Variants in CACNB2 observed in about 807,000 individuals in gnomAD.
CACNB2 encodes the protein voltage-dependent L-type calcium channel subunit beta-2.
A neutral mutation model predicts 73.3 loss-of-function variants in CACNB2; 42 were observed. The ratio of observed to expected loss-of-function variants is 0.57; its 90% confidence interval spans 0.45 to 0.74. CACNB2 has a LOEUF of 0.74. Ranked by LOEUF, CACNB2 falls within the 30% of genes least tolerant of loss-of-function variation. The pLI, the probability that CACNB2 is intolerant of heterozygous loss-of-function variation, is 0.00. For synonymous variants in CACNB2, 348 were observed against 310.3 expected (o/e 1.12, Z -1.28); for missense variants, 940 against 853.0 (o/e 1.10, Z -1.27).
intron 3 of CACNB2, among the ~76,000 whole-genome samples, chr10:18,492,703 C>A (rs1032853048): frequency 2.0e-5 from 3 of 151,198 alleles, no homozygotes; most frequent in Non-Finnish European, 4.4e-5. Flanking sequence ...TGCTCAAGTC[C>A]CAGAGAATAT....
chr10:18,325,108 T>C (rs923903104), intron 2 of CACNB2, among the ~76,000 whole-genome samples: 15 of 152,224 alleles, frequency 9.9e-5, no homozygotes, highest in African/African-American at 3.6e-4. Flanking sequence ...CCCAGTCATG[T>C]AGCCAGAGCT....
chr10:18,154,413 A>G (rs2031865282), intron 2 of CACNB2, among the ~76,000 whole-genome samples: 1 of 151,908 alleles, frequency 6.6e-6, no homozygotes, highest in African/African-American at 2.4e-5. Flanking sequence ...ATATTTGGAG[A>G]TGAGGCCTCT....
At chr10:18,492,962 C>T (rs1203147840) in intron 3 of CACNB2, among the ~76,000 whole-genome samples, 1 of 151,968 alleles carries the variant, frequency 6.6e-6, no homozygotes, top group Non-Finnish European at 1.5e-5. Flanking sequence ...TATAGTTAGC[C>T]CTCTTTATCC....
intron 11 of CACNB2, 112 bp downstream of exon 11, chr10:18,534,339 T>G (rs182224364): frequency 3.3e-4 from 318 of 967,770 alleles, no homozygotes; most frequent in Non-Finnish European, 3.6e-4. Flanking sequence ...TATAGAGAAT[T>G]TGAGGAGACA....
intron 3 of CACNB2, among the ~76,000 whole-genome samples, chr10:18,434,715 G>C (rs1439295414): frequency 6.6e-6 from 1 of 152,026 alleles, no homozygotes; most frequent in Non-Finnish European, 1.5e-5. Context: ...AAAAATTATT[G>C]AACACCTCAG....
intron 2 of CACNB2, chr10:18,260,668 TG>T: frequency 1.0e-6 from 1 of 988,474 alleles, no homozygotes; most frequent in Non-Finnish European, 1.2e-6. Context: ...AAATCAGATA[TG>T]CCCAAAACGT....
At chr10:18,144,922 C>T (rs1322664615) in intron 1 of CACNB2, among the ~76,000 whole-genome samples, 1 of 152,138 alleles carries the variant, frequency 6.6e-6, no homozygotes, top group African/African-American at 2.4e-5. Flanking sequence ...AATTGAATAG[C>T]TCCTGCGTGA....
intron 2 of CACNB2, among the ~76,000 whole-genome samples, chr10:18,263,280 C>A (rs549612504): frequency 6.6e-6 from 1 of 152,054 alleles, no homozygotes; most frequent in Non-Finnish European, 1.5e-5. Flanking sequence ...TAGATTTGAC[C>A]GCAAAGCAGA....
At chr10:18,443,520 C>T (rs963595918) in intron 3 of CACNB2, among the ~76,000 whole-genome samples, 1 of 152,064 alleles carries the variant, frequency 6.6e-6, no homozygotes, top group Admixed American at 6.6e-5. Flanking sequence ...AAAGTGTAGA[C>T]CCAACTCCTC....
Position 18,181,065 on chromosome 10 carries a change from GA to G in CACNB2, c.213+30107del, listed in dbSNP as rs34924301. Among the ~76,000 whole-genome samples the G allele has an allele frequency of 2.6e-3, 312 of 117,862 alleles. 2 individuals are homozygous for G. In the East Asian group the frequency reaches 0.036, roughly 14 times the overall value. 77.3% of individuals were successfully genotyped at this position (117,862 alleles called of 152,430 possible). A position where few individuals can be genotyped will look rare whatever the true frequency, so the allele number is the denominator to read the frequency against. On this transcript the variant is annotated intron_variant, in intron 2 of 13. Coordinates refer to ENST00000324631, the MANE Select transcript of CACNB2 (RefSeq NM_201596.3). ...TACATTGAGGCTTTTAGCCAAAATAGAAAAAAAAAAAAAAAAAGAGGTCAAG... is the reference window on the plus strand; with the variant it reads ...TACATTGAGGCTTTTAGCCAAAATAGAAAAAAAAAAAAAAAAGAGGTCAAG...
chr10:18,375,533 A>G (rs2042761648), intron 2 of CACNB2, among the ~76,000 whole-genome samples: 1 of 152,202 alleles, frequency 6.6e-6, no homozygotes, highest in Admixed American at 6.5e-5. Flanking sequence ...TTCCCTGAGT[A>G]GCCTCTTGTT....
At chr10:18,497,594 T>C (rs1349970926) in intron 3 of CACNB2, among the ~76,000 whole-genome samples, 1 of 152,060 alleles carries the variant, frequency 6.6e-6, no homozygotes, top group African/African-American at 2.4e-5. Flanking sequence ...CTAATTTTTG[T>C]TTTTGATTTT....
chr10:18,542,407 A>G lies in CACNB2; in HGVS notation c.*2683A>G, dbSNP rs1163565414. Reference sequence around the variant, plus strand: ...AAATATTTCTGATAAAACTTTTGTCATGGTAAGAGATTCACAATTATTAGT... The same window carrying G: ...AAATATTTCTGATAAAACTTTTGTCGTGGTAAGAGATTCACAATTATTAGT... On this transcript the variant is annotated 3_prime_UTR_variant, in exon 14 of 14. Coordinates refer to ENST00000324631, the MANE Select transcript of CACNB2 (RefSeq NM_201596.3). 1 of 152,232 alleles carries G rather than the reference A, an allele frequency of 6.6e-6. No homozygotes were observed. Among genetic ancestry groups the G allele is most frequent in the African/African-American group, 2.4e-5 (1 of 41,464 alleles). The allele number at this position is 152,232 out of a possible 1,614,324, so 9.4% of individuals were successfully genotyped here. A position where few individuals can be genotyped will look rare whatever the true frequency, so the allele number is the denominator to read the frequency against.
chr10:18,356,262 C>A lies in CACNB2; in HGVS notation c.214-45662C>A, dbSNP rs558927816. On this transcript the variant is annotated intron_variant, in intron 2 of 13. Transcript: ENST00000324631. ...TCATGCAACTATCCCAACTGCCCAG[C>A]ACCCACTTTGCATCACGCTAGCTCT... Among the ~76,000 whole-genome samples, 6 of 152,314 alleles carry A rather than the reference C, an allele frequency of 3.9e-5. No individual in the cohort carries two copies. In the East Asian group the frequency reaches 7.7e-4, roughly 20 times the overall value.
At chr10:18,290,319 G>A (rs1297089892) in intron 2 of CACNB2, among the ~76,000 whole-genome samples, 1 of 151,348 alleles carries the variant, frequency 6.6e-6, no homozygotes, top group Admixed American at 6.6e-5. Context: ...GAGCCACTGA[G>A]CCTGGCCTCC....
At chr10:18,223,987 G>A (rs1019213457) in intron 2 of CACNB2, among the ~76,000 whole-genome samples, 4 of 53,604 alleles carry the variant, frequency 7.5e-5, no homozygotes, top group African/African-American at 1.4e-4. Context: ...AAACTAAGGG[G>A]TCTATTTTTT....
intron 2 of CACNB2, among the ~76,000 whole-genome samples, chr10:18,320,154 A>G (rs1373267374): frequency 6.6e-6 from 1 of 152,066 alleles, no homozygotes; most frequent in Non-Finnish European, 1.5e-5. Context: ...CACCAGTTCG[A>G]ATTAATTTCC....
At chr10:18,210,369 C>T (rs2035268746) in intron 2 of CACNB2, among the ~76,000 whole-genome samples, 1 of 152,102 alleles carries the variant, frequency 6.6e-6, no homozygotes, top group Non-Finnish European at 1.5e-5. Context: ...TATGATAATT[C>T]ATTGAGATTA....
intron 2 of CACNB2, among the ~76,000 whole-genome samples, chr10:18,157,702 A>G (rs2131072882): frequency 6.6e-6 from 1 of 152,314 alleles, no homozygotes. Context: ...GATTGACTCC[A>G]GATTCTTGTC....
Sources: allele counts gnomAD v4.1 joint callset (sites outside exome capture counted in the v4.1 genomes callset), GRCh38; gene constraint gnomAD v4.1.1; transcripts MANE v1.5; gene names NCBI Gene and HGNC (gene_info 2026-07-23, HGNC 2026-07-21).